The following ITPR1 variants were observed in gnomAD, a reference collection of about 807,000 sequenced individuals.
ITPR1 encodes the protein inositol 1,4,5-trisphosphate receptor type 1.
In ITPR1, 96 loss-of-function variants were observed where a neutral mutation model predicts 318.4. The observed-to-expected ratio is 0.30, with a 90% CI of 0.26 to 0.36. The LOEUF (loss-of-function observed/expected upper bound fraction) is 0.36, where lower values mean the gene tolerates loss of function less well. Among genes scored for constraint, ITPR1 ranks in the 10% least tolerant of loss-of-function variants. The pLI is 1.00. For missense variants in ITPR1, 2,440 were observed against 3,460.2 expected (o/e 0.71, Z 7.40); for synonymous variants, 1,312 against 1,289.9 (o/e 1.02, Z -0.37).
chr3:4,670,561 C>G (rs534786920), intron 19 of ITPR1, among the ~76,000 whole-genome samples, 168 bp from the exon 20 acceptor site: 2 of 152,200 alleles, frequency 1.3e-5, no homozygotes, highest in East Asian at 3.8e-4. Flanking sequence ...TCGAGAACCA[C>G]TGGGTTACAG....
chr3:4,787,903 G>T lies in ITPR1; in HGVS notation c.6616-44G>T, dbSNP rs565382059. 2.2e-5 allele frequency: 31 copies of T among 1,399,934 alleles called. No homozygotes were observed. In the East Asian group the frequency reaches 6.8e-4, roughly 31 times the overall value. The allele number at this position is 1,399,934 out of a possible 1,614,324, so 86.7% of individuals were successfully genotyped here. ...CAGTAGCAAATAGTCTTAGTAAAAG[G>T]TTTCAAAGATGAATATTTAATCTCA... On this transcript the variant is annotated intron_variant, in intron 51 of 61. Transcript: ENST00000649015.
At chr3:4,697,050 G>A in intron 33 of ITPR1, 97 bp from the exon 34 acceptor site, 1 of 1,093,332 alleles carries the variant, frequency 9.1e-7, no homozygotes, top group Non-Finnish European at 1.3e-6. Context: ...GGAATGGGAT[G>A]ACCATTTTCA....
chr3:4,541,607 C>T (rs545604196), intron 4 of ITPR1, among the ~76,000 whole-genome samples: 269 of 151,744 alleles, frequency 1.8e-3, no homozygotes, highest in Middle Eastern at 6.8e-3. Context: ...TGGAGAATTC[C>T]GAGCTGTTAT....
intron 4 of ITPR1, among the ~76,000 whole-genome samples, chr3:4,525,511 G>T (rs1243631241): frequency 6.6e-6 from 1 of 152,184 alleles, no homozygotes; most frequent in Non-Finnish European, 1.5e-5. Flanking sequence ...TCTGTAGGAA[G>T]AAAAGGTTGG....
At chr3:4,787,328 A>C (rs2047258001) in intron 51 of ITPR1, among the ~76,000 whole-genome samples, 2 of 86,214 alleles carry the variant, frequency 2.3e-5, no homozygotes, top group African/African-American at 8.9e-5. Context: ...ACAAAACGAG[A>C]CTCCATCTCA....
intron 4 of ITPR1, among the ~76,000 whole-genome samples, chr3:4,556,034 A>G (rs1376391423): frequency 6.6e-6 from 1 of 152,220 alleles, no homozygotes; most frequent in African/African-American, 2.4e-5. Context: ...CTTCATTCAC[A>G]TGTGCAAATA....
chr3:4,661,743 A>G (rs1463463102), intron 14 of ITPR1, among the ~76,000 whole-genome samples: 2 of 152,226 alleles, frequency 1.3e-5, no homozygotes, highest in Non-Finnish European at 2.9e-5. Context: ...CCTCACTTAG[A>G]ATCATTAATT....
At chr3:4,842,483 T>C (rs1306664151) in intron 61 of ITPR1, among the ~76,000 whole-genome samples, 1 of 152,202 alleles carries the variant, frequency 6.6e-6, no homozygotes, top group Non-Finnish European at 1.5e-5. Flanking sequence ...TTCTCCTGCT[T>C]CAGGCCCCCA....
chr3:4,544,914 C>T (rs183807548), intron 4 of ITPR1, among the ~76,000 whole-genome samples: 12 of 152,288 alleles, frequency 7.9e-5, no homozygotes, highest in African/African-American at 2.9e-4. Context: ...TCCACTTCAG[C>T]CCCCAAGTAG....
chr3:4,497,059 GTT>G (rs57639719), intron 2 of ITPR1, among the ~76,000 whole-genome samples: 133,484 of 151,084 alleles, frequency 0.88, 59,008 homozygotes, highest in East Asian at 1. Flanking sequence ...AGTCCATGCA[GTT>G]TTTTTTTTTT....
chr3:4,736,144 G>T (rs1575067381), intron 44 of ITPR1, among the ~76,000 whole-genome samples: 1 of 150,040 alleles, frequency 6.7e-6, no homozygotes, highest in African/African-American at 2.4e-5. Flanking sequence ...CTGAATAAGA[G>T]TTTTTTTTTT....
intron 52 of ITPR1, among the ~76,000 whole-genome samples, chr3:4,790,547 C>T (rs73807153): frequency 0.037 from 5,666 of 152,210 alleles, 314 homozygotes; most frequent in African/African-American, 0.12. Context: ...GATTTGCACA[C>T]TTGGGGAGGG....
chr3:4,630,398 C>T (rs1374286257), intron 5 of ITPR1, among the ~76,000 whole-genome samples: 1 of 151,936 alleles, frequency 6.6e-6, no homozygotes, highest in Non-Finnish European at 1.5e-5. Context: ...AGTCTAAATC[C>T]CTAAAGTGTA....
At chr3:4,609,888 C>G (rs553157499) in intron 4 of ITPR1, among the ~76,000 whole-genome samples, 4 of 152,276 alleles carry the variant, frequency 2.6e-5, no homozygotes, top group African/African-American at 9.6e-5. Flanking sequence ...CTCTGCTCAG[C>G]CTGCCATGTT....
At chr3:4,802,977 C>G (rs1208826204) in intron 54 of ITPR1, among the ~76,000 whole-genome samples, 4 of 152,110 alleles carry the variant, frequency 2.6e-5, no homozygotes, top group Non-Finnish European at 5.9e-5. Context: ...TATAAAATGC[C>G]TGAGACTCGG....
At position 4,676,544 on chromosome 3, in the gene ITPR1, G is replaced by T. The variant is rs1331518124; in HGVS notation, c.2780-70G>T. 16 of 1,151,454 alleles carry T rather than the reference G, an allele frequency of 1.4e-5. No homozygotes were observed. In the South Asian group the frequency reaches 1.5e-4, roughly 11 times the overall value. 71.3% of individuals were successfully genotyped at this position (1,151,454 alleles called of 1,614,324 possible). On this transcript the variant is annotated intron_variant, in intron 23 of 61. Transcript: ENST00000649015. Reference sequence around the variant, plus strand: ...AAATAATTTCTCTCAAAGAGCCCCTGCCCCTTGACATATGCCTCTGAGCAT... The same window carrying T: ...AAATAATTTCTCTCAAAGAGCCCCTTCCCCTTGACATATGCCTCTGAGCAT...
At position 4,685,146 on chromosome 3, in the gene ITPR1, G is replaced by T. The variant is rs769075214; in HGVS notation, c.3642G>T (p.Leu1214=). The T allele has an allele frequency of 3.1e-6, 5 of 1,609,942 alleles. No homozygotes were observed. Among genetic ancestry groups the T allele is most frequent in the Non-Finnish European group, 3.4e-6 (4 of 1,178,978 alleles). The change falls in exon 30 of 62, where the codon CTG becomes CTT. Residue 1214 remains leucine (L), a synonymous_variant. Coordinates refer to ENST00000649015, the MANE Select transcript of ITPR1 (RefSeq NM_001378452.1). ...VRKSRKQQQR[L]LRNMGAHAVV... ...AGAGCAGGAAGCAGCAACAGCGTCT[G>T]CTCCGGAACATGGGCGCGCACGCCG...
At chr3:4,555,844 T>A (rs895172624) in intron 4 of ITPR1, among the ~76,000 whole-genome samples, 1 of 152,248 alleles carries the variant, frequency 6.6e-6, no homozygotes, top group Non-Finnish European at 1.5e-5. Context: ...TCCTTGTTAC[T>A]GCATAAGGAG....
chr3:4,806,083 G>C lies in ITPR1; in HGVS notation c.7108-20G>C, dbSNP rs751398655. The C allele has an allele frequency of 2.5e-6, 4 of 1,607,152 alleles. No homozygotes were observed. The highest frequency in any genetic ancestry group is 3.4e-6 in the Non-Finnish European group (4 of 1,175,584). ...TTGGCACAGTCCGTGCCATCTGACT[G>C]TTCCTGTCATTGTTCTCAGGTATGC... is the stretch of plus-strand genomic sequence containing the variant. On this transcript the variant is annotated intron_variant, in intron 54 of 61. Transcript: ENST00000649015.
Sources: allele counts gnomAD v4.1 joint callset (sites outside exome capture counted in the v4.1 genomes callset), GRCh38; gene constraint gnomAD v4.1.1; transcripts MANE v1.5; gene names NCBI Gene and HGNC (gene_info 2026-07-23, HGNC 2026-07-21).